The following NEK4 variants were observed in gnomAD, a reference collection of about 807,000 sequenced individuals.
The protein encoded by NEK4 is serine/threonine-protein kinase Nek4.
NEK4 carries 86 observed loss-of-function variants against 98.4 expected under a neutral mutation model. The ratio of observed to expected loss-of-function variants is 0.87; its 90% CI spans 0.73 to 1.05. The LOEUF (loss-of-function observed/expected upper bound fraction) is 1.05, where lower values mean the gene tolerates loss of function less well. NEK4 is among the 50% of genes least tolerant of loss of function. NEK4 has a pLI of 0.00. For synonymous variants in NEK4, 328 were observed against 342.2 expected (o/e 0.96, Z 0.46); for missense variants, 898 against 950.3 (o/e 0.94, Z 0.72).
intron 15 of NEK4, among the ~76,000 whole-genome samples, chr3:52,723,078 G>C (rs534576171): frequency 6.6e-6 from 1 of 151,932 alleles, no homozygotes; most frequent in African/African-American, 2.4e-5. Context: ...GGTGGCATGT[G>C]CCTGTAGTTC....
chr3:52,746,824 T>C lies in NEK4; in HGVS notation c.1587A>G (p.Glu529=). ...GCCGTCGCTGTCGAGACAGGGAAGG[T>C]TCAGACCCAGAGTTGTGTGGCTGTA... The part of the protein sequence containing the change: ...PDLQPHNSGS[E]PSLSRQRRQK... The change falls in exon 9 of 16, where the codon GAA becomes GAG. Residue 529 remains glutamate (E), a synonymous_variant. Coordinates refer to ENST00000233027, the MANE Select transcript of NEK4 (RefSeq NM_003157.6). 1.9e-6 allele frequency: 3 copies of C among 1,614,088 alleles called. No individual in the cohort carries two copies. The highest frequency in any genetic ancestry group is 2.5e-6 in the Non-Finnish European group (3 of 1,179,966).
chr3:52,731,698 G>A (rs180852391), intron 15 of NEK4, among the ~76,000 whole-genome samples: 4 of 152,308 alleles, frequency 2.6e-5, no homozygotes, highest in East Asian at 3.9e-4. Flanking sequence ...AGGTCATGCC[G>A]CAGCACACAC....
intron 15 of NEK4, among the ~76,000 whole-genome samples, chr3:52,717,359 A>G (rs1220463065): frequency 6.6e-6 from 1 of 150,392 alleles, no homozygotes; most frequent in Non-Finnish European, 1.5e-5. Flanking sequence ...GTGAGCTGAG[A>G]TCGCACCTCT....
At chr3:52,757,185 A>G (rs371002783) in intron 6 of NEK4, among the ~76,000 whole-genome samples, 4 of 152,346 alleles carry the variant, frequency 2.6e-5, no homozygotes, top group African/African-American at 9.6e-5. Flanking sequence ...TGTGGAAAAC[A>G]GTACCACAGG....
At chr3:52,713,794 CAAA>C (rs10554436) in intron 15 of NEK4, among the ~76,000 whole-genome samples, 25 of 83,328 alleles carry the variant, frequency 3.0e-4, no homozygotes, top group Middle Eastern at 7.1e-3. Context: ...AACTCCCTCT[CAAA>C]AAAAAAAAAA....
At chr3:52,767,183 G>T (rs989912095) in intron 2 of NEK4, among the ~76,000 whole-genome samples, 2 of 151,992 alleles carry the variant, frequency 1.3e-5, no homozygotes, top group Non-Finnish European at 2.9e-5. Context: ...CTACTTGGGA[G>T]GCTGAGGCAC....
Position 52,768,520 on chromosome 3 carries a change from A to C in NEK4, c.178T>G (p.Leu60Val). ...AEQEAQLLSQ[L>V]KHPNIVTYKE... is the part of the protein sequence containing the mutation. ...TAGGTGACAATGTTGGGATGCTTCAACTGAGACAAGAGCTGGGCTTCCTGT... is the reference window on the plus strand; with the variant it reads ...TAGGTGACAATGTTGGGATGCTTCACCTGAGACAAGAGCTGGGCTTCCTGT... The change falls in exon 2 of 16, where the codon TTG becomes GTG. Residue 60 changes from leucine to valine, a missense_variant. By Grantham distance (32) the Leu-to-Val change is conservative. Transcript: ENST00000233027. The C allele has an allele frequency of 6.2e-7, 1 of 1,614,236 alleles. No homozygotes were observed. Among genetic ancestry groups the C allele is most frequent in the Non-Finnish European group, 8.5e-7 (1 of 1,180,032 alleles).
intron 7 of NEK4, among the ~76,000 whole-genome samples, 192 bp downstream of exon 7, chr3:52,751,740 G>A (rs1293293743): frequency 2.0e-5 from 3 of 152,210 alleles, no homozygotes; most frequent in Admixed American, 2.0e-4. Context: ...ACGAGTTGTG[G>A]GCAAGAGGGA....
At position 52,739,484 on chromosome 3, in the gene NEK4, A is replaced by C. The variant is rs1402304270; in HGVS notation, c.2244T>G (p.Leu748=). Residue 748 remains leucine, a synonymous_variant, in exon 14 of 16, where the codon CTT becomes CTG. Transcript: ENST00000233027. ...LHRKYRDTLI[L]HGKVAEEAEE... ...CTGCCTCTTCTGCAACCTTCCCATG[A>C]AGTATCAGTGTGTCCCGATATTTCC... 6.2e-7 allele frequency: 1 copy of C among 1,614,196 alleles called. No homozygotes were observed. Among genetic ancestry groups the C allele is most frequent in the Admixed American group, 1.7e-5 (1 of 60,016 alleles).
intron 10 of NEK4, 146 bp from the exon 11 acceptor site, chr3:52,744,451 T>G (rs983432131): frequency 5.8e-6 from 4 of 688,716 alleles, no homozygotes; most frequent in Non-Finnish European, 7.8e-6. Flanking sequence ...TCTGGGAGGC[T>G]GGGGTGGGCA....
chr3:52,726,290 A>C (rs1192382063), intron 15 of NEK4, among the ~76,000 whole-genome samples: 1 of 152,150 alleles, frequency 6.6e-6, no homozygotes, highest in East Asian at 1.9e-4. Flanking sequence ...ACCTGGCAGA[A>C]GATAATTAAG....
chr3:52,770,840 C>A lies in NEK4; in HGVS notation c.-94G>T. The A allele has an allele frequency of 2.6e-6, 3 of 1,132,510 alleles. No homozygotes were observed. In the African/African-American group the frequency reaches 4.6e-5, roughly 17 times the overall value. The allele number at this position is 1,132,510 out of a possible 1,614,324, so 70.2% of individuals were successfully genotyped here. The stretch of plus-strand genomic sequence containing the variant: ...AGCTCGGTTCATGCCCGAGAGGGGG[C>A]AGTGGGGGCGGCTGTTGAGGCAGCC... On this transcript the variant is annotated 5_prime_UTR_variant, in exon 1 of 16. Transcript: ENST00000233027.
At chr3:52,741,535 A>G in intron 12 of NEK4, 36 bp from the exon 13 acceptor site, 1 of 1,310,390 alleles carries the variant, frequency 7.6e-7, no homozygotes. Flanking sequence ...ATTCTACATG[A>G]CAACACAACC....
rs2097352425 is a variant in NEK4, at chr3:52,713,684, C to T, written c.2434-1815G>A. 2.0e-5 allele frequency among the ~76,000 whole-genome samples: 3 copies of T among 151,878 alleles called. No individual in the cohort carries two copies. The South Asian group carries it at 6.2e-4, about 31-fold the overall frequency. On this transcript the variant is annotated intron_variant, in intron 15 of 15. Transcript: ENST00000233027. ...TGGCGCATGCCTGTAATCCCAGCTA[C>T]TCAGGAGGCTGAGGCGGAAGAATCG...
intron 6 of NEK4, among the ~76,000 whole-genome samples, chr3:52,758,847 A>G (rs1374969202): frequency 3.3e-5 from 5 of 152,102 alleles, no homozygotes; most frequent in Non-Finnish European, 5.9e-5. Context: ...CATACCTGTA[A>G]TATCAGCACT....
In NEK4 at chr3:52,737,980, A is replaced by AT. The variant is rs553335347; in HGVS notation, c.2300-262dup. Reference sequence around the variant, plus strand: ...AGGGGCCCACCACCACACCCAGCTAATTTTTTGTATTTTTAGTAGACACAG... The same window carrying AT: ...AGGGGCCCACCACCACACCCAGCTAATTTTTTTGTATTTTTAGTAGACACAG... On this transcript the variant is annotated intron_variant, in intron 14 of 15. Coordinates refer to ENST00000233027, the MANE Select transcript of NEK4 (RefSeq NM_003157.6). 1.8e-4 allele frequency among the ~76,000 whole-genome samples: 28 copies of AT among 151,760 alleles called. 1 individual carries two copies. Among genetic ancestry groups the AT allele is most frequent in the African/African-American group, 5.1e-4 (21 of 41,398 alleles).
At chr3:52,752,540 T>A (rs760724897) in intron 6 of NEK4, among the ~76,000 whole-genome samples, 2 of 152,110 alleles carry the variant, frequency 1.3e-5, no homozygotes, top group African/African-American at 2.4e-5. Flanking sequence ...ACAGCAGCTT[T>A]ATTTAAAATA....
At position 52,746,142 on chromosome 3, in the gene NEK4, T is replaced by C; in HGVS notation, c.1746A>G (p.Thr582=). 6.2e-7 allele frequency: 1 copy of C among 1,614,158 alleles called. No homozygotes were observed. The highest frequency in any genetic ancestry group is 8.5e-7 in the Non-Finnish European group (1 of 1,179,998). ...TACGTTGGTTTTCAGCCTCTTTTTGTGTTGATGTGACATCCACTTTCCCAA... is the reference window on the plus strand; with the variant it reads ...TACGTTGGTTTTCAGCCTCTTTTTGCGTTGATGTGACATCCACTTTCCCAA... ...PIVGKVDVTS[T]QKEAENQRRV... Residue 582 remains threonine (T), a synonymous_variant, in exon 10 of 16, where the codon ACA becomes ACG. Coordinates refer to ENST00000233027, the MANE Select transcript of NEK4 (RefSeq NM_003157.6).
intron 15 of NEK4, among the ~76,000 whole-genome samples, chr3:52,722,898 A>G (rs1335577673): frequency 6.6e-6 from 1 of 152,110 alleles, no homozygotes; most frequent in Non-Finnish European, 1.5e-5. Context: ...TCTGTCTCAG[A>G]AAAAGAAAGT....
Sources: gnomAD v4.1 joint callset for allele counts (sites outside exome capture counted in the v4.1 genomes callset) on GRCh38, gnomAD v4.1.1 for gene constraint, MANE v1.5 for transcripts, NCBI Gene and HGNC (gene_info 2026-07-23, HGNC 2026-07-21) for gene names.